The following IQGAP2 variants were observed in gnomAD, a reference collection of about 807,000 sequenced individuals.
IQGAP2 encodes the protein ras GTPase-activating-like protein IQGAP2.
In IQGAP2, 173 loss-of-function variants were observed where a neutral mutation model predicts 201.3. The observed-to-expected ratio is 0.86, with a 90% CI of 0.76 to 0.98. The LOEUF is 0.98. IQGAP2 is among the 50% of genes least tolerant of loss of function. The pLI, the probability that IQGAP2 is intolerant of heterozygous loss-of-function variation, is 0.00. For synonymous variants in IQGAP2, 675 were observed against 673.9 expected (o/e 1.00, Z -0.03); for missense variants, 1,687 against 1,864.8 (o/e 0.90, Z 1.76).
intron 2 of IQGAP2, among the ~76,000 whole-genome samples, chr5:76,509,785 C>T (rs551677227): frequency 1.2e-4 from 19 of 152,100 alleles, no homozygotes; most frequent in South Asian, 4.2e-4. Flanking sequence ...GAAAAGTATC[C>T]GTAGTACTTT....
chr5:76,692,341 G>A (rs1406135782), intron 30 of IQGAP2, among the ~76,000 whole-genome samples: 2 of 152,182 alleles, frequency 1.3e-5, no homozygotes, highest in African/African-American at 4.8e-5. Context: ...TAGTAGGGAT[G>A]GGGTTTCGCC....
At chr5:76,657,665 CAGTTTA>C (rs1742874444) in intron 20 of IQGAP2, among the ~76,000 whole-genome samples, 1 of 152,168 alleles carries the variant, frequency 6.6e-6, no homozygotes, top group African/African-American at 2.4e-5. Context: ...TTTATTCTTA[CAGTTTA>C]CCCAGATCTG....
chr5:76,606,270 A>G lies in IQGAP2; in HGVS notation c.1324A>G (p.Met442Val), dbSNP rs73766943. 4.2e-4 allele frequency: 670 copies of G among 1,603,496 alleles called. 3 individuals carry two copies. The African/African-American group carries it at 8.1e-3, about 19-fold the overall frequency. Residue 442 changes from methionine (M) to valine (V), a missense_variant, in exon 12 of 36, where the codon ATG (methionine) becomes GTG (valine). Coordinates refer to ENST00000274364, the MANE Select transcript of IQGAP2 (RefSeq NM_006633.5). Reference sequence around the variant, plus strand: ...GAATGAAATTCAGAATTGTATTGATATGGTTAATGCTCAAATTCAAGAAGA... The same window carrying G: ...GAATGAAATTCAGAATTGTATTGATGTGGTTAATGCTCAAATTCAAGAAGA... ...SWNEIQNCIDMVNAQIQEEND... is the reference protein window; with the variant it reads ...SWNEIQNCIDVVNAQIQEEND...
At position 76,600,839 on chromosome 5, in the gene IQGAP2, A is replaced by T. The variant is rs1214520718; in HGVS notation, c.1099A>T (p.Ile367Phe). 1.9e-6 allele frequency: 3 copies of T among 1,613,948 alleles called. No individual in the cohort carries two copies. In the Admixed American group the frequency reaches 5.0e-5, roughly 27 times the overall value. Reference sequence around the variant, plus strand: ...CTACTTGGCCCACGAGGAGCTTTTGATTGCTGTGGAAATGTTGTCTGCTGT... The same window carrying T: ...CTACTTGGCCCACGAGGAGCTTTTGTTTGCTGTGGAAATGTTGTCTGCTGT... ...MNYLAHEELLIAVEMLSAVAL... is the reference protein window; with the variant it reads ...MNYLAHEELLFAVEMLSAVAL... Residue 367 changes from isoleucine to phenylalanine, a missense_variant, in exon 11 of 36, where the codon ATT (isoleucine) becomes TTT (phenylalanine). Physicochemically the swap from Ile to Phe is conservative, Grantham distance 21 (BLOSUM62 0). Transcript: ENST00000274364.
intron 4 of IQGAP2, among the ~76,000 whole-genome samples, chr5:76,575,464 G>A (rs989092516): frequency 3.9e-5 from 6 of 152,132 alleles, no homozygotes; most frequent in African/African-American, 1.4e-4. Flanking sequence ...GTAGCTGGCT[G>A]GGGACCCCAC....
Position 76,671,938 on chromosome 5 carries a change from A to G in IQGAP2, c.3023A>G (p.Tyr1008Cys). 6.2e-7 allele frequency: 1 copy of G among 1,614,152 alleles called. No homozygotes were observed. Among genetic ancestry groups the G allele is most frequent in the South Asian group, 1.1e-5 (1 of 91,078 alleles). ...ATCAACACAAACCCTGTAGAGGTGTACAAGGCTTGGGTGAACCAACTAGAA... is the reference window on the plus strand; with the variant it reads ...ATCAACACAAACCCTGTAGAGGTGTGCAAGGCTTGGGTGAACCAACTAGAA... ...LIINTNPVEV[Y>C]KAWVNQLETQ... Residue 1008 changes from tyrosine (Y) to cysteine (C), a missense_variant, in exon 24 of 36, where the codon TAC becomes TGC. Coordinates refer to ENST00000274364, the MANE Select transcript of IQGAP2 (RefSeq NM_006633.5).
intron 2 of IQGAP2, among the ~76,000 whole-genome samples, chr5:76,489,924 G>A (rs1025199425): frequency 5.3e-5 from 8 of 152,096 alleles, no homozygotes; most frequent in African/African-American, 1.4e-4. Flanking sequence ...TGCACACTGC[G>A]GACTTCACCA....
chr5:76,471,560 A>G (rs1032497607), intron 2 of IQGAP2, among the ~76,000 whole-genome samples: 1 of 152,176 alleles, frequency 6.6e-6, no homozygotes, highest in African/African-American at 2.4e-5. Flanking sequence ...TCAGATACCA[A>G]AAGAACACCT....
chr5:76,444,281 A>G (rs113453248), intron 1 of IQGAP2, among the ~76,000 whole-genome samples: 4,983 of 152,184 alleles, frequency 0.033, 275 homozygotes, highest in African/African-American at 0.11. Context: ...ATCAGTAAAT[A>G]CAAGTGTTTT....
At chr5:76,701,558 G>A (rs1329022072) in intron 34 of IQGAP2, 2 of 207,076 alleles carry the variant, frequency 9.7e-6, no homozygotes, top group South Asian at 9.6e-5. Flanking sequence ...TTTAAAATAG[G>A]CTGTGCCAAC....
rs570032677 is a variant in IQGAP2 at position 76,672,558 on chromosome 5, A to G, written c.3068+575A>G. On this transcript the variant is annotated intron_variant, in intron 24 of 35. Transcript: ENST00000274364. ...TGTTAAATAAATGTTTGTATAGCAC[A>G]TAATGGAATAAGTATTTGGAATCGT... Among the ~76,000 whole-genome samples the G allele has an allele frequency of 7.9e-5, 12 of 152,344 alleles. No individual in the cohort carries two copies. In the South Asian group the frequency reaches 8.3e-4, roughly 11 times the overall value.
chr5:76,654,875 C>A, intron 19 of IQGAP2, 59 bp from the exon 20 acceptor site: 1 of 1,122,376 alleles, frequency 8.9e-7, no homozygotes, highest in Non-Finnish European at 1.3e-6. Flanking sequence ...GTTCTAAATT[C>A]AAAAATGATG....
At chr5:76,648,947 G>A (rs192636450) in intron 17 of IQGAP2, among the ~76,000 whole-genome samples, 5 of 152,236 alleles carry the variant, frequency 3.3e-5, no homozygotes, top group Admixed American at 2.0e-4. Flanking sequence ...TTGTGTCATC[G>A]GATTCCCAGA....
At chr5:76,540,443 C>G (rs1436430270) in intron 2 of IQGAP2, among the ~76,000 whole-genome samples, 1 of 152,042 alleles carries the variant, frequency 6.6e-6, no homozygotes, top group Non-Finnish European at 1.5e-5. Context: ...GGTCAGTGTT[C>G]AGACCAGAGG....
chr5:76,587,339 C>A (rs1746317442), intron 5 of IQGAP2, among the ~76,000 whole-genome samples: 1 of 149,596 alleles, frequency 6.7e-6, no homozygotes, highest in Non-Finnish European at 1.5e-5. Flanking sequence ...TTTATTGTAA[C>A]AAATACGAAA....
chr5:76,457,438 C>T (rs1329197369), intron 1 of IQGAP2, among the ~76,000 whole-genome samples: 1 of 152,154 alleles, frequency 6.6e-6, no homozygotes, highest in Non-Finnish European at 1.5e-5. Context: ...CGTAATTATG[C>T]CAAACTTTCA....
chr5:76,485,505 T>C (rs930295414), intron 2 of IQGAP2, among the ~76,000 whole-genome samples: 2 of 152,212 alleles, frequency 1.3e-5, no homozygotes, highest in African/African-American at 4.8e-5. Context: ...TCCTTGGAGT[T>C]TTCCTTGGTT....
chr5:76,640,933 GAC>G lies in IQGAP2; in HGVS notation c.1926_1927del (p.Ile643TyrfsTer2). On this transcript the variant is annotated frameshift_variant and splice_region_variant, in exon 17 of 36. Transcript: ENST00000274364. LOFTEE classifies it high-confidence loss of function. ...ESWLTGKEIE[D>X]IIEEVTVGYI... ...AACCATAAGAAATATCTCTTGCCAGGACATTATTGAGGAAGTCACAGTAGGTT... is the reference window on the plus strand; with the variant it reads ...AACCATAAGAAATATCTCTTGCCAGGATTATTGAGGAAGTCACAGTAGGTT... The G allele has an allele frequency of 6.3e-7, 1 of 1,578,864 alleles. No individual in the cohort carries two copies. Among genetic ancestry groups the G allele is most frequent in the Non-Finnish European group, 8.7e-7 (1 of 1,153,302 alleles).
intron 2 of IQGAP2, among the ~76,000 whole-genome samples, chr5:76,519,379 A>G (rs62361967): frequency 0.062 from 9,394 of 152,286 alleles, 318 homozygotes; most frequent in East Asian, 0.1. Context: ...TGTTGTGTGT[A>G]ATGATATGTT....
Sources: allele counts gnomAD v4.1 joint callset (sites outside exome capture counted in the v4.1 genomes callset), GRCh38; gene constraint gnomAD v4.1.1; transcripts MANE v1.5; gene names NCBI Gene and HGNC (gene_info 2026-07-23, HGNC 2026-07-21).